WAC: variants seen among roughly 807,000 people sequenced by gnomAD.
WAC encodes the protein WW domain containing adaptor with coiled-coil.
Under a neutral mutation model 79.6 loss-of-function variants are expected in WAC, and 11 were observed. The ratio of observed to expected loss-of-function variants is 0.14; its 90% CI spans 0.09 to 0.23. The LOEUF (loss-of-function observed/expected upper bound fraction) is 0.23. Among genes scored for constraint, WAC ranks in the 10% least tolerant of loss-of-function variants. The pLI, the probability that WAC is intolerant of heterozygous loss-of-function variation, is 1.00. For synonymous variants in WAC, 304 were observed against 276.9 expected (o/e 1.10, Z -0.97); for missense variants, 728 against 773.5 (o/e 0.94, Z 0.70).
At chr10:28,538,910 A>G (rs1836844315) in intron 3 of WAC, among the ~76,000 whole-genome samples, 1 of 151,700 alleles carries the variant, frequency 6.6e-6, no homozygotes. Context: ...ATATAAATTC[A>G]AGACCATTAT....
intron 6 of WAC, among the ~76,000 whole-genome samples, chr10:28,593,742 AAT>A (rs1840217925): frequency 6.6e-6 from 1 of 152,196 alleles, no homozygotes; most frequent in South Asian, 2.1e-4. Context: ...AAAAAAAAAA[AAT>A]AAAATATTTT....
intron 3 of WAC, among the ~76,000 whole-genome samples, chr10:28,541,244 A>G (rs1234000509): frequency 6.6e-6 from 1 of 151,980 alleles, no homozygotes; most frequent in Non-Finnish European, 1.5e-5. Flanking sequence ...CTGTTACCTT[A>G]TTCTGTTGTG....
intron 3 of WAC, among the ~76,000 whole-genome samples, chr10:28,573,640 CTG>C (rs1839093031): frequency 6.6e-6 from 1 of 152,160 alleles, no homozygotes; most frequent in Non-Finnish European, 1.5e-5. Context: ...GAATTAAGGA[CTG>C]TGTCTAAGCT....
chr10:28,608,801 TATAA>T (rs143233186), intron 8 of WAC, among the ~76,000 whole-genome samples: 65 of 152,308 alleles, frequency 4.3e-4, no homozygotes, highest in African/African-American at 1.5e-3. Context: ...AAAAAACCTG[TATAA>T]ATAATTACTC....
chr10:28,555,160 T>A lies in WAC; in HGVS notation c.274+19403T>A, dbSNP rs147594907. Among the ~76,000 whole-genome samples the A allele has an allele frequency of 2.5e-3, 385 of 152,240 alleles. 3 individuals are homozygous for A. The highest frequency in any genetic ancestry group is 9.0e-3 in the African/African-American group (374 of 41,542). ...AACCGGTCTTTCTGCTTTCCAACCT[T>A]CTACTCTTCAGTATCTTTATGTAGC... On this transcript the variant is annotated intron_variant, in intron 3 of 13. Coordinates refer to ENST00000354911, the MANE Select transcript of WAC (RefSeq NM_016628.5).
At chr10:28,551,052 A>G (rs896275423) in intron 3 of WAC, among the ~76,000 whole-genome samples, 1 of 152,178 alleles carries the variant, frequency 6.6e-6, no homozygotes, top group African/African-American at 2.4e-5. Flanking sequence ...CTCACTAGCT[A>G]AGGAGATTTT....
intron 3 of WAC, among the ~76,000 whole-genome samples, chr10:28,559,822 C>T (rs1374085698): frequency 6.6e-6 from 1 of 152,168 alleles, no homozygotes; most frequent in African/African-American, 2.4e-5. Context: ...GACTTCGTGT[C>T]ACATTTCATT....
intron 3 of WAC, among the ~76,000 whole-genome samples, chr10:28,565,705 G>A (rs1324295165): frequency 2.0e-5 from 3 of 152,170 alleles, no homozygotes; most frequent in African/African-American, 7.2e-5. Flanking sequence ...GAATTTGCTA[G>A]ATGCTAATTT....
At position 28,616,422 on chromosome 10, in the gene WAC, A is replaced by C. The variant is rs549791676; in HGVS notation, c.1746+60A>C. The C allele has an allele frequency of 9.8e-6, 13 of 1,321,552 alleles. No homozygotes were observed. The East Asian group carries it at 3.0e-4, about 30-fold the overall frequency. 81.9% of individuals were successfully genotyped at this position (1,321,552 alleles called of 1,614,324 possible). A position where few individuals can be genotyped will look rare whatever the true frequency, so the allele number is the denominator to read the frequency against. ...TGATTAGCAAAACAGAATTTAATCA[A>C]CTTCTAGAGAATCTAATGTGACCAC... is the stretch of plus-strand genomic sequence containing the variant. On this transcript the variant is annotated intron_variant, in intron 12 of 13. Transcript: ENST00000354911.
intron 7 of WAC, among the ~76,000 whole-genome samples, chr10:28,602,528 T>G (rs956644776): frequency 6.6e-6 from 1 of 152,208 alleles, no homozygotes; most frequent in African/African-American, 2.4e-5. Context: ...GCAGGCTGCC[T>G]TTGTAGCAGT....
chr10:28,534,636 C>T (rs566314628), intron 2 of WAC, among the ~76,000 whole-genome samples: 2 of 152,292 alleles, frequency 1.3e-5, no homozygotes, highest in African/African-American at 4.8e-5. Context: ...TTTGTTACTG[C>T]AGTCATTGTG....
intron 3 of WAC, among the ~76,000 whole-genome samples, chr10:28,542,634 C>G (rs1021721765): frequency 6.6e-6 from 1 of 152,146 alleles, no homozygotes; most frequent in African/African-American, 2.4e-5. Flanking sequence ...TGGAAGATAC[C>G]TGATACGAGA....
Position 28,608,545 on chromosome 10 carries a change from A to G in WAC, c.1165+114A>G. On this transcript the variant is annotated intron_variant, in intron 8 of 13. Transcript: ENST00000354911. ...GTTTTCTTTTGAAATTTATAGTTGAACACTTTTTTTTGTTTTGTTTTTTGT... is the reference window on the plus strand; with the variant it reads ...GTTTTCTTTTGAAATTTATAGTTGAGCACTTTTTTTTGTTTTGTTTTTTGT... 4 of 1,186,518 alleles carry G rather than the reference A, an allele frequency of 3.4e-6. No homozygotes were observed. The South Asian group carries it at 6.7e-5, about 20-fold the overall frequency. 73.5% of individuals were successfully genotyped at this position (1,186,518 alleles called of 1,614,324 possible).
At position 28,603,969 on chromosome 10, in the gene WAC, ATATATATATATATATATATGT is replaced by A. The variant is rs1840788513; in HGVS notation, c.920-4216_920-4196del. 1.6e-4 allele frequency among the ~76,000 whole-genome samples: 11 copies of A among 67,742 alleles called. 2 individuals carry two copies. Among genetic ancestry groups the A allele is most frequent in the African/African-American group, 6.1e-4 (11 of 18,124 alleles). The allele number at this position is 67,742 out of a possible 152,430, so 44.4% of individuals were successfully genotyped here. On this transcript the variant is annotated intron_variant, in intron 7 of 13. Coordinates refer to ENST00000354911, the MANE Select transcript of WAC (RefSeq NM_016628.5). ...TATATATATGTATGTATGTATATATATATATATATATATATATATGTATATATATATATATTTCTATACTAA... is the reference window on the plus strand; with the variant it reads ...TATATATATGTATGTATGTATATATAATATATATATATATTTCTATACTAA...
At chr10:28,577,199 G>C (rs1190730200) in intron 3 of WAC, among the ~76,000 whole-genome samples, 1 of 152,114 alleles carries the variant, frequency 6.6e-6, no homozygotes, top group Admixed American at 6.5e-5. Flanking sequence ...ATTGCAGAAT[G>C]ATATTATTAT....
chr10:28,574,819 C>T (rs146866935), intron 3 of WAC, among the ~76,000 whole-genome samples: 84 of 152,138 alleles, frequency 5.5e-4, no homozygotes, highest in African/African-American at 1.9e-3. Context: ...TGTACCTAGG[C>T]GTGGGATTGC....
intron 3 of WAC, among the ~76,000 whole-genome samples, chr10:28,578,972 A>G (rs1332623822): frequency 1.3e-5 from 2 of 152,154 alleles, no homozygotes; most frequent in African/African-American, 4.8e-5. Flanking sequence ...TTAAAGTTGC[A>G]AGCTTAAGTA....
At chr10:28,559,797 C>T (rs1340617856) in intron 3 of WAC, among the ~76,000 whole-genome samples, 5 of 152,122 alleles carry the variant, frequency 3.3e-5, no homozygotes, top group African/African-American at 1.2e-4. Context: ...TTAGCTTGAG[C>T]GGGGAGTGAG....
chr10:28,613,123 T>C (rs1404626809), intron 10 of WAC, among the ~76,000 whole-genome samples: 2 of 152,086 alleles, frequency 1.3e-5, no homozygotes, highest in Non-Finnish European at 2.9e-5. Flanking sequence ...GAAAATTTGC[T>C]GGGGGAGGCC....
Sources: allele counts gnomAD v4.1 joint callset (sites outside exome capture counted in the v4.1 genomes callset), GRCh38; gene constraint gnomAD v4.1.1; transcripts MANE v1.5; gene names NCBI Gene and HGNC (gene_info 2026-07-23, HGNC 2026-07-21).